FAM193A: variants seen among roughly 807,000 people sequenced by gnomAD.
The protein encoded by FAM193A is family with sequence similarity 193 member A, also known as protein FAM193A.
Under a neutral mutation model 126.5 loss-of-function variants are expected in FAM193A, and 22 were observed. The observed-to-expected ratio is 0.17, with a 90% CI of 0.12 to 0.25. The LOEUF (loss-of-function observed/expected upper bound fraction) is 0.25, where lower values mean the gene tolerates loss of function less well. Ranked by LOEUF, FAM193A falls within the 10% of genes least tolerant of loss-of-function variation. The pLI is 1.00. For synonymous variants in FAM193A, 761 were observed against 646.8 expected, an observed-to-expected ratio of 1.18 and a Z score of -2.68; for missense variants, 1,675 against 1,672.8, an observed-to-expected ratio of 1.00 and a Z score of -0.02.
Position 2,608,538 on chromosome 4 carries a change from T to C in FAM193A, c.501+12209T>C, listed in dbSNP as rs545264865. 1.4e-3 allele frequency among the ~76,000 whole-genome samples: 213 copies of C among 152,142 alleles called. 3 individuals carry two copies. The highest frequency in any genetic ancestry group is 2.4e-3 in the Admixed American group (37 of 15,284). On this transcript the variant is annotated intron_variant, in intron 2 of 20. Transcript: ENST00000637812. ...AAATATGATAATGAGCCAGGGGTAG[T>C]GGGAAGCATATTTAGATCATGGGCG...
Position 2,695,042 on chromosome 4 carries a change from G to A in FAM193A, c.3189G>A (p.Glu1063=), listed in dbSNP as rs1159968508. Residue 1063 remains glutamate (E), a synonymous_variant, in exon 17 of 21, where the codon GAG becomes GAA. Transcript: ENST00000637812. ...DESADEDSCS[E]HSSSTSTSTN... is the part of the protein sequence containing the mutation. ...GTGCAGATGAGGACAGCTGCTCTGA[G>A]CACAGCTCCAGCACCTCGACCTCCA... The A allele has an allele frequency of 1.2e-6, 2 of 1,609,778 alleles. No homozygotes were observed.
intron 1 of FAM193A, among the ~76,000 whole-genome samples, chr4:2,595,350 T>C (rs77594697): frequency 0.045 from 6,884 of 152,314 alleles, 516 homozygotes; most frequent in African/African-American, 0.16. Context: ...TGCCCAGCCT[T>C]CAGTTTCTTT....
At chr4:2,578,442 C>T (rs553206258) in intron 1 of FAM193A, among the ~76,000 whole-genome samples, 1 of 151,854 alleles carries the variant, frequency 6.6e-6, no homozygotes, top group African/African-American at 2.4e-5. Flanking sequence ...TGGCAACCTT[C>T]TTGGTAGGTT....
intron 19 of FAM193A, chr4:2,708,350 C>T: frequency 4.3e-6 from 1 of 232,330 alleles, no homozygotes. Context: ...GTCTACAACT[C>T]CTGACCTCAG....
chr4:2,616,124 T>C (rs964078693), intron 2 of FAM193A, among the ~76,000 whole-genome samples: 1 of 152,204 alleles, frequency 6.6e-6, no homozygotes, highest in African/African-American at 2.4e-5. Context: ...TAACTATGGA[T>C]TGGTATATTT....
chr4:2,582,466 CCCT>C (rs1439850146), intron 1 of FAM193A, among the ~76,000 whole-genome samples: 1 of 152,138 alleles, frequency 6.6e-6, no homozygotes, highest in Non-Finnish European at 1.5e-5. Context: ...CCTTCTCCTT[CCCT>C]CCTCTCTCTC....
intron 1 of FAM193A, among the ~76,000 whole-genome samples, chr4:2,556,981 C>T (rs147422751): frequency 7.9e-5 from 12 of 152,274 alleles, no homozygotes; most frequent in African/African-American, 1.9e-4. Context: ...AGATAGTACA[C>T]TGGTCCCCCA....
At chr4:2,540,903 G>A (rs901397888) in intron 1 of FAM193A, among the ~76,000 whole-genome samples, 1 of 150,456 alleles carries the variant, frequency 6.6e-6, no homozygotes, top group Non-Finnish European at 1.5e-5. Context: ...GGAGGTTGCA[G>A]TGAGCCCAGA....
chr4:2,544,658 C>T (rs762695650), intron 1 of FAM193A, among the ~76,000 whole-genome samples: 10 of 151,920 alleles, frequency 6.6e-5, no homozygotes, highest in African/African-American at 1.5e-4. Flanking sequence ...GAGCCCAGAT[C>T]GGGCCACTGC....
rs564292200 is a variant in FAM193A, at chr4:2,715,119, G to A, written c.4373-904G>A. On this transcript the variant is annotated intron_variant, in intron 19 of 20. Coordinates refer to ENST00000637812, the MANE Select transcript of FAM193A (RefSeq NM_001366318.2). ...GCTATCCTGCCTGTTTTCAAAGATG[G>A]TTGTGTAATTGCAGCATGAAATGTA... 8.5e-5 allele frequency among the ~76,000 whole-genome samples: 13 copies of A among 152,302 alleles called. 1 individual carries two copies. In the South Asian group the frequency reaches 2.7e-3, roughly 32 times the overall value.
chr4:2,597,691 G>A (rs774644629), intron 2 of FAM193A, among the ~76,000 whole-genome samples: 1 of 152,120 alleles, frequency 6.6e-6, no homozygotes, highest in South Asian at 2.1e-4. Context: ...TTGTGGATTC[G>A]GACCAGCTGT....
rs149078986 is a variant in FAM193A, at chr4:2,682,350, G to C, written c.2332-7156G>C. ...GTTTGTTTGTTTTTTTATTTTTAGA[G>C]ATGGACTCTTGCTATGTTACCCAAG... On this transcript the variant is annotated intron_variant, in intron 13 of 20. Transcript: ENST00000637812. Among the ~76,000 whole-genome samples, 653 of 152,166 alleles carry C rather than the reference G, an allele frequency of 4.3e-3. 1 individual carries two copies. The highest frequency in any genetic ancestry group is 8.0e-3 in the Non-Finnish European group (543 of 67,998).
At chr4:2,701,103 C>T (rs1717682107) in intron 19 of FAM193A, among the ~76,000 whole-genome samples, 1 of 152,060 alleles carries the variant, frequency 6.6e-6, no homozygotes, top group African/African-American at 2.4e-5. Flanking sequence ...GAAGGAGAGT[C>T]ACTTCATACA....
Position 2,660,033 on chromosome 4 carries a change from A to T in FAM193A, c.1724A>T (p.Asp575Val). The change falls in exon 10 of 21, where the codon GAC becomes GTC. Residue 575 changes from aspartate to valine, a missense_variant. Coordinates refer to ENST00000637812, the MANE Select transcript of FAM193A (RefSeq NM_001366318.2). The stretch of plus-strand genomic sequence containing the variant: ...CAGCACCCCAGGCTCATCCTCACAG[A>T]CAGTGGCTCGGCACCAACTTTGTAA... ...IQQHPRLILT[D>V]SGSAPTFCSD... is the part of the protein sequence containing the mutation. 1 of 1,614,026 alleles carries T rather than the reference A, an allele frequency of 6.2e-7. No individual in the cohort carries two copies. Among genetic ancestry groups the T allele is most frequent in the African/African-American group, 1.3e-5 (1 of 75,042 alleles).
At chr4:2,681,240 T>C (rs1387291083) in intron 13 of FAM193A, among the ~76,000 whole-genome samples, 1 of 152,098 alleles carries the variant, frequency 6.6e-6, no homozygotes, top group Admixed American at 6.5e-5. Context: ...TCTTACTCCA[T>C]CTCACTAAAG....
intron 18 of FAM193A, among the ~76,000 whole-genome samples, chr4:2,698,124 C>T (rs1247486744): frequency 1.3e-5 from 2 of 152,236 alleles, no homozygotes; most frequent in African/African-American, 4.8e-5. Flanking sequence ...TGTTGAGGCT[C>T]ACTGGCTGGC....
intron 1 of FAM193A, among the ~76,000 whole-genome samples, chr4:2,556,435 A>G (rs962938955): frequency 6.8e-6 from 1 of 146,908 alleles, no homozygotes; most frequent in Non-Finnish European, 1.5e-5. Context: ...TGATCTCCTG[A>G]CCTCATGATC....
intron 1 of FAM193A, among the ~76,000 whole-genome samples, chr4:2,541,464 T>G (rs1737227955): frequency 6.8e-6 from 1 of 147,898 alleles, no homozygotes; most frequent in Non-Finnish European, 1.5e-5. Context: ...TTTTTTTTTT[T>G]GAGACAGAGT....
intron 7 of FAM193A, among the ~76,000 whole-genome samples, chr4:2,649,644 C>G (rs1007016396): frequency 9.9e-5 from 15 of 152,080 alleles, no homozygotes; most frequent in African/African-American, 3.4e-4. Context: ...CACACTCCAT[C>G]CTGGGCAACA....
Sources: allele counts gnomAD v4.1 joint callset (sites outside exome capture counted in the v4.1 genomes callset), GRCh38; gene constraint gnomAD v4.1.1; transcripts MANE v1.5; gene names NCBI Gene and HGNC (gene_info 2026-07-23, HGNC 2026-07-21).